Variants in TBC1D5 observed in about 807,000 individuals in gnomAD.
TBC1D5 encodes TBC1 domain family, member 5.
Under a neutral mutation model 100.3 loss-of-function variants are expected in TBC1D5, and 75 were observed. That is an observed-to-expected ratio of 0.75 (90% CI 0.62 to 0.91). The LOEUF is 0.91. Among genes scored for constraint, TBC1D5 ranks in the 40% least tolerant of loss-of-function variants. TBC1D5 has a pLI of 0.00. For missense variants in TBC1D5, 910 were observed against 942.4 expected (o/e 0.97, Z 0.45); for synonymous variants, 323 against 325.6 (o/e 0.99, Z 0.09).
chr3:17,241,767 T>C (rs1330385722), intron 16 of TBC1D5, among the ~76,000 whole-genome samples: 1 of 152,170 alleles, frequency 6.6e-6, no homozygotes, highest in Non-Finnish European at 1.5e-5. Context: ...GAGAACACAG[T>C]CAACTGATCT....
At chr3:17,670,331 A>C (rs2067797467) in intron 1 of TBC1D5, among the ~76,000 whole-genome samples, 1 of 152,236 alleles carries the variant, frequency 6.6e-6, no homozygotes, top group Admixed American at 6.5e-5. Flanking sequence ...CTGATTCCAA[A>C]CATAAAGCAT....
At chr3:17,297,200 A>G (rs550493414) in intron 14 of TBC1D5, among the ~76,000 whole-genome samples, 1 of 152,360 alleles carries the variant, frequency 6.6e-6, no homozygotes, top group East Asian at 1.9e-4. Flanking sequence ...AAGGATATCA[A>G]TTAAGTGCAC....
At chr3:17,308,971 T>A (rs1435373409) in intron 13 of TBC1D5, among the ~76,000 whole-genome samples, 1 of 152,124 alleles carries the variant, frequency 6.6e-6, no homozygotes, top group African/African-American at 2.4e-5. Flanking sequence ...TTCATTTACC[T>A]CTAATTTTAC....
intron 1 of TBC1D5, among the ~76,000 whole-genome samples, chr3:17,660,398 T>C (rs1336477723): frequency 6.6e-6 from 1 of 152,182 alleles, no homozygotes; most frequent in Non-Finnish European, 1.5e-5. Context: ...GTACCTGAGC[T>C]AGATCCTGAA....
chr3:17,180,968 C>T (rs993396153), intron 19 of TBC1D5, among the ~76,000 whole-genome samples: 5 of 151,094 alleles, frequency 3.3e-5, no homozygotes, highest in South Asian at 2.1e-4. Flanking sequence ...GGAGTTCTCT[C>T]GATATGAATG....
At chr3:17,414,883 AC>A (rs1040809904) in intron 4 of TBC1D5, among the ~76,000 whole-genome samples, 15 of 152,334 alleles carry the variant, frequency 9.8e-5, no homozygotes, top group Admixed American at 4.6e-4. Flanking sequence ...ATATAAAAAA[AC>A]AGAATGCACA....
intron 4 of TBC1D5, among the ~76,000 whole-genome samples, chr3:17,415,185 C>A (rs932403143): frequency 6.6e-5 from 10 of 152,220 alleles, no homozygotes; most frequent in African/African-American, 1.9e-4. Context: ...GAGACAGAGT[C>A]TCACTCTATC....
intron 14 of TBC1D5, among the ~76,000 whole-genome samples, chr3:17,300,181 C>T (rs1229021472): frequency 1.3e-5 from 2 of 152,072 alleles, no homozygotes; most frequent in African/African-American, 4.8e-5. Context: ...ATATAAATAT[C>T]TGATATAATC....
intron 13 of TBC1D5, among the ~76,000 whole-genome samples, chr3:17,367,093 T>C (rs892121298): frequency 2.6e-5 from 4 of 152,218 alleles, no homozygotes; most frequent in Non-Finnish European, 4.4e-5. Context: ...ATGCCTATTA[T>C]GTACTCTATT....
In TBC1D5 at chr3:17,251,428, C is replaced by A. The variant is rs1346958124; in HGVS notation, c.1331+7078G>T. Among the ~76,000 whole-genome samples, 15 of 42,244 alleles carry A rather than the reference C, an allele frequency of 3.6e-4. 2 individuals carry two copies. In the South Asian group the frequency reaches 6.8e-3, roughly 19 times the overall value. The allele number at this position is 42,244 out of a possible 152,430, so 27.7% of individuals were successfully genotyped here. ...GGGAATATATATACTCACGGGAACC[C>A]CCCCCCCCCCAGTAGAAGCGATTAG... On this transcript the variant is annotated intron_variant, in intron 16 of 21. Coordinates refer to ENST00000253692, the Ensembl canonical transcript of TBC1D5.
chr3:17,167,949 C>T, intron 19 of TBC1D5, 121 bp from the exon 21 acceptor site: 2 of 690,466 alleles, frequency 2.9e-6, no homozygotes, highest in South Asian at 3.8e-5. Flanking sequence ...ACTACTCCCA[C>T]AAAAGATGCT....
At chr3:17,264,579 T>C (rs1290351377) in intron 15 of TBC1D5, among the ~76,000 whole-genome samples, 1 of 152,016 alleles carries the variant, frequency 6.6e-6, no homozygotes, top group African/African-American at 2.4e-5. Context: ...CTAGGGTAAA[T>C]ATATTGGCAC....
chr3:17,210,316 T>G (rs550603843), intron 18 of TBC1D5, among the ~76,000 whole-genome samples: 2 of 152,084 alleles, frequency 1.3e-5, no homozygotes, highest in South Asian at 4.2e-4. Flanking sequence ...GCCTCCCGTA[T>G]AGCTGGGACT....
intron 1 of TBC1D5, among the ~76,000 whole-genome samples, chr3:17,703,678 CAG>C (rs1194002089): frequency 1.3e-5 from 2 of 152,066 alleles, no homozygotes; most frequent in African/African-American, 4.8e-5. Flanking sequence ...GATCATAGAA[CAG>C]GGGATCACAA....
intron 2 of TBC1D5, among the ~76,000 whole-genome samples, chr3:17,543,669 A>G (rs1477125431): frequency 4.6e-5 from 7 of 152,094 alleles, no homozygotes; most frequent in Admixed American, 4.6e-4. Context: ...CAGAAAAGAA[A>G]GAAAAAATAT....
Position 17,544,763 on chromosome 3 carries a change from A to C in TBC1D5, c.-35-36158T>G, listed in dbSNP as rs2153431548. Among the ~76,000 whole-genome samples the C allele has an allele frequency of 2.0e-5, 3 of 152,292 alleles. No individual in the cohort carries two copies. The Middle Eastern group carries it at 0.01, about 518-fold the overall frequency. ...AATAAAGGAGGAGGAAAGATAAGGA[A>C]TATAATATTATTTTCTTTTCAAATG... is the stretch of plus-strand genomic sequence containing the variant. On this transcript the variant is annotated intron_variant, in intron 2 of 21. Coordinates refer to ENST00000253692, the Ensembl canonical transcript of TBC1D5.
rs142105028 is a variant in TBC1D5, at chr3:17,248,432, G to A, written c.1332-10013C>T. Among the ~76,000 whole-genome samples, 523 of 152,284 alleles carry A rather than the reference G, an allele frequency of 3.4e-3. 4 individuals carry two copies. The highest frequency in any genetic ancestry group is 0.011 in the African/African-American group (476 of 41,550). ...AATGTTCTTAATGGCATCCAGAATG[G>A]TAAATCCTTTCCAGATGGTTTTCAA... is the stretch of plus-strand genomic sequence containing the variant. On this transcript the variant is annotated intron_variant, in intron 16 of 21. Transcript: ENST00000253692.
At chr3:17,418,349 C>T (rs1251522055) in intron 4 of TBC1D5, among the ~76,000 whole-genome samples, 3 of 151,948 alleles carry the variant, frequency 2.0e-5, no homozygotes, top group South Asian at 2.1e-4. Context: ...GGCTCATGCC[C>T]GTAATCCCAA....
chr3:17,615,349 T>G (rs1293648033), intron 2 of TBC1D5, among the ~76,000 whole-genome samples: 2 of 152,198 alleles, frequency 1.3e-5, no homozygotes, highest in Non-Finnish European at 2.9e-5. Flanking sequence ...AATTCTATTT[T>G]TTTTGCTATG....
Sources: allele counts gnomAD v4.1 joint callset (sites outside exome capture counted in the v4.1 genomes callset), GRCh38; gene constraint gnomAD v4.1.1; transcripts MANE v1.5; gene names NCBI Gene and HGNC (gene_info 2026-07-23, HGNC 2026-07-21).